Variants in FAM76A observed in about 807,000 individuals in gnomAD.
The protein encoded by FAM76A is family with sequence similarity 76 member A, also known as protein FAM76A.
FAM76A carries 32 observed loss-of-function variants against 46.2 expected under a neutral mutation model. The ratio of observed to expected loss-of-function variants is 0.69; its 90% confidence interval spans 0.52 to 0.93. The LOEUF (loss-of-function observed/expected upper bound fraction) is 0.93, where lower values mean the gene tolerates loss of function less well. Among genes scored for constraint, FAM76A ranks in the 40% least tolerant of loss-of-function variants. The probability of loss-of-function intolerance (pLI) is 0.00; values close to 1 mark genes in which losing one functional copy is unlikely to be tolerated. For synonymous variants in FAM76A, 137 were observed against 127.0 expected, an observed-to-expected ratio of 1.08 and a Z score of -0.53; for missense variants, 274 against 361.5, an observed-to-expected ratio of 0.76 and a Z score of 1.96.
At chr1:27,757,629 A>G (rs2088433623) in intron 7 of FAM76A, among the ~76,000 whole-genome samples, 1 of 152,004 alleles carries the variant, frequency 6.6e-6, no homozygotes, top group Non-Finnish European at 1.5e-5. Flanking sequence ...TCGGCCTCCC[A>G]AAGTGCTGGG....
rs546827484 is a variant in FAM76A, at chr1:27,726,650, TC to T, written c.81+490del. On this transcript the variant is annotated intron_variant, in intron 1 of 8. Transcript: ENST00000373954. Reference sequence around the variant, plus strand: ...TTGATTTTTTTTTTTTTTTTAAGCATCTCACTTTTCGGCCAGTCTCAGAATC... The same window carrying T: ...TTGATTTTTTTTTTTTTTTTAAGCATTCACTTTTCGGCCAGTCTCAGAATC... Among the ~76,000 whole-genome samples the T allele has an allele frequency of 3.2e-3, 487 of 151,412 alleles. 4 individuals carry two copies. The highest frequency in any genetic ancestry group is 0.011 in the African/African-American group (471 of 41,270).
chr1:27,736,572 A>C (rs539913649), intron 4 of FAM76A, among the ~76,000 whole-genome samples: 28 of 152,098 alleles, frequency 1.8e-4, no homozygotes, highest in Admixed American at 4.6e-4. Flanking sequence ...TGATAGTTTA[A>C]ATCTCAGAGG....
intron 5 of FAM76A, among the ~76,000 whole-genome samples, chr1:27,748,469 G>GTTTT (rs1162208303): frequency 8.9e-6 from 1 of 112,636 alleles, no homozygotes; most frequent in Non-Finnish European, 1.8e-5. Flanking sequence ...TCTTATTGAA[G>GTTTT]TTTTTTTTTT....
At chr1:27,731,253 G>A (rs886424003) in intron 2 of FAM76A, among the ~76,000 whole-genome samples, 1 of 148,312 alleles carries the variant, frequency 6.7e-6, no homozygotes, top group Admixed American at 6.8e-5. Flanking sequence ...GCCCAGGCTG[G>A]AGTGCAATGG....
At chr1:27,757,874 G>A (rs1340363088) in intron 7 of FAM76A, among the ~76,000 whole-genome samples, 1 of 152,096 alleles carries the variant, frequency 6.6e-6, no homozygotes, top group Non-Finnish European at 1.5e-5. Flanking sequence ...CTACTCGGGA[G>A]GCTGAGGCAG....
At chr1:27,757,791 A>G (rs546062058) in intron 7 of FAM76A, among the ~76,000 whole-genome samples, 2 of 152,248 alleles carry the variant, frequency 1.3e-5, no homozygotes, top group South Asian at 4.1e-4. Flanking sequence ...CCTGGCTAAC[A>G]CGGTGAAACC....
chr1:27,737,526 G>T (rs2088069723), intron 4 of FAM76A, among the ~76,000 whole-genome samples: 1 of 151,574 alleles, frequency 6.6e-6, no homozygotes, highest in South Asian at 2.1e-4. Flanking sequence ...ACCAGCCTGG[G>T]CAACATGGCA....
intron 4 of FAM76A, chr1:27,739,262 G>A: frequency 1.9e-6 from 1 of 513,952 alleles, no homozygotes; most frequent in Non-Finnish European, 4.0e-6. Flanking sequence ...AAGGATGTGT[G>A]TTCGCCTACT....
In FAM76A at chr1:27,760,857, ATTCTT is replaced by A. The variant is rs2088492001; in HGVS notation, c.*279_*283del. On this transcript the variant is annotated 3_prime_UTR_variant, in exon 9 of 9. Transcript: ENST00000373954. ...TTCCTCTTCTCTCTATTTTGGTTCT[ATTCTT>A]TTTTTTTCTTTTTTCTTTTTTTTTT... 3 of 40,246 alleles carry A rather than the reference ATTCTT, an allele frequency of 7.5e-5. No individual in the cohort carries two copies. The highest frequency in any genetic ancestry group is 2.9e-4 in the Admixed American group (1 of 3,508). 2.5% of individuals were successfully genotyped at this position (40,246 alleles called of 1,614,324 possible).
chr1:27,731,360 C>T (rs1336587466), intron 2 of FAM76A, among the ~76,000 whole-genome samples: 4 of 151,918 alleles, frequency 2.6e-5, no homozygotes, highest in Admixed American at 6.6e-5. Context: ...CACACCACCA[C>T]GCCTGGCTAA....
At chr1:27,731,528 T>C (rs1480385789) in intron 2 of FAM76A, among the ~76,000 whole-genome samples, 2 of 152,112 alleles carry the variant, frequency 1.3e-5, no homozygotes, top group Admixed American at 6.6e-5. Context: ...AAATATTTGA[T>C]CATAGTGTCT....
intron 5 of FAM76A, 29 bp from the exon 6 acceptor site, chr1:27,749,039 G>T (rs1265529821): frequency 1.4e-6 from 2 of 1,426,518 alleles, no homozygotes; most frequent in Non-Finnish European, 1.9e-6. Flanking sequence ...GATTTCTAAT[G>T]TGTGTCTCTC....
chr1:27,740,178 T>G (rs1354725277), intron 4 of FAM76A: 1 of 555,532 alleles, frequency 1.8e-6, no homozygotes, highest in Admixed American at 2.4e-5. Flanking sequence ...GCTGGAACAG[T>G]GGGTAAAATC....
At chr1:27,751,582 G>A (rs1310312753) in intron 6 of FAM76A, among the ~76,000 whole-genome samples, 1 of 150,208 alleles carries the variant, frequency 6.7e-6, no homozygotes, top group Non-Finnish European at 1.5e-5. Context: ...TTGGCTCACT[G>A]CAGCCTCGAC....
rs1354962755 is a variant in FAM76A, at chr1:27,761,974, A to AC, written c.*1393_*1394insC. 1 of 152,152 alleles carries AC rather than the reference A, an allele frequency of 6.6e-6. No homozygotes were observed. Among genetic ancestry groups the AC allele is most frequent in the East Asian group, 1.9e-4 (1 of 5,186 alleles). The allele number at this position is 152,152 out of a possible 1,614,324, so 9.4% of individuals were successfully genotyped here. A position where few individuals can be genotyped will look rare whatever the true frequency, so the allele number is the denominator to read the frequency against. On this transcript the variant is annotated 3_prime_UTR_variant, in exon 9 of 9. Coordinates refer to ENST00000373954, the MANE Select transcript of FAM76A (RefSeq NM_152660.3). ...AGTGAGACTCCGTCTCAAAAAAAAAAAAAAAAGGAATAATATTTGAACTAC... is the reference window on the plus strand; with the variant it reads ...AGTGAGACTCCGTCTCAAAAAAAAAACAAAAAAGGAATAATATTTGAACTAC...
rs1163814047 is a variant in FAM76A at position 27,755,198 on chromosome 1, C to T, written c.603C>T (p.Phe201=). The T allele has an allele frequency of 1.2e-6, 2 of 1,612,270 alleles. No homozygotes were observed. Among genetic ancestry groups the T allele is most frequent in the South Asian group, 1.1e-5 (1 of 90,650 alleles). ...TTCCCCTGATTTTTAAATTTAGCTT[C>T]TCCCCAGACCTGGCTCTGGACTCAC... The part of the protein sequence containing the change: ...FESITTNGDS[F]SPDLALDSPG... The change falls in exon 7 of 9, where the codon TTC becomes TTT. Residue 201 remains phenylalanine, a synonymous_variant. Coordinates refer to ENST00000373954, the MANE Select transcript of FAM76A (RefSeq NM_152660.3).
At position 27,744,743 on chromosome 1, in the gene FAM76A, C is replaced by T. The variant is rs1326257632; in HGVS notation, c.444C>T (p.Ser148=). 1.9e-6 allele frequency: 3 copies of T among 1,614,190 alleles called. No individual in the cohort carries two copies. The highest frequency in any genetic ancestry group is 2.5e-6 in the Non-Finnish European group (3 of 1,180,034). ...AAGAGCAGAGGAAACACCTGAGTAG[C>T]TCTTCTCGTGCTGGCCACCAGGAGA... is the stretch of plus-strand genomic sequence containing the variant. ...KTKEQRKHLS[S]SSRAGHQEKE... Residue 148 remains serine (S), a synonymous_variant, in exon 5 of 9, where the codon AGC becomes AGT. Coordinates refer to ENST00000373954, the MANE Select transcript of FAM76A (RefSeq NM_152660.3).
At position 27,760,860 on chromosome 1, in the gene FAM76A, C is replaced by CTTTTTTTTTTTT. The variant is rs1334464233; in HGVS notation, c.*288_*289insTTTTTTTTTTTT. ...CTCTTCTCTCTATTTTGGTTCTATT[C>CTTTTTTTTTTTT]TTTTTTTTTCTTTTTTCTTTTTTTT... On this transcript the variant is annotated 3_prime_UTR_variant, in exon 9 of 9. Transcript: ENST00000373954. The CTTTTTTTTTTTT allele has an allele frequency of 4.9e-5, 2 of 41,124 alleles. No individual in the cohort carries two copies. The highest frequency in any genetic ancestry group is 2.3e-4 in the Admixed American group (1 of 4,332). The allele number at this position is 41,124 out of a possible 1,614,324, so 2.5% of individuals were successfully genotyped here. A position where few individuals can be genotyped will look rare whatever the true frequency, so the allele number is the denominator to read the frequency against.
In FAM76A at chr1:27,755,191, T is replaced by C. The variant is rs1245129691; in HGVS notation, c.600-4T>C. On this transcript the variant is annotated splice_region_variant and splice_polypyrimidine_tract_variant and intron_variant, in intron 6 of 8. Transcript: ENST00000373954. ...AAATATTTTCCCCTGATTTTTAAAT[T>C]TAGCTTCTCCCCAGACCTGGCTCTG... 10 of 1,613,064 alleles carry C rather than the reference T, an allele frequency of 6.2e-6. No homozygotes were observed. The East Asian group carries it at 2.2e-4, about 36-fold the overall frequency.
Sources: allele counts gnomAD v4.1 joint callset (sites outside exome capture counted in the v4.1 genomes callset), GRCh38; gene constraint gnomAD v4.1.1; transcripts MANE v1.5; gene names NCBI Gene and HGNC (gene_info 2026-07-23, HGNC 2026-07-21).